The following BCAS3 variants were observed in gnomAD, a reference collection of about 807,000 sequenced individuals.
The protein encoded by BCAS3 is BCAS4/BCAS3 fusion.
In BCAS3, 53 loss-of-function variants were observed where a neutral mutation model predicts 116.1. The ratio of observed to expected loss-of-function variants is 0.46; its 90% CI spans 0.37 to 0.57. BCAS3 has a LOEUF of 0.57. Ranked by LOEUF, BCAS3 falls within the 20% of genes least tolerant of loss-of-function variation. The pLI, the probability that BCAS3 is intolerant of heterozygous loss-of-function variation, is 0.00. For missense variants in BCAS3, 917 were observed against 1,165.4 expected, an observed-to-expected ratio of 0.79 and a Z score of 3.10; for synonymous variants, 391 against 408.2, an observed-to-expected ratio of 0.96 and a Z score of 0.51.
intron 2 of BCAS3, among the ~76,000 whole-genome samples, chr17:60,682,533 G>GT (rs1028110887): frequency 6.6e-6 from 1 of 151,894 alleles, no homozygotes; most frequent in Non-Finnish European, 1.5e-5. Flanking sequence ...TTTCGTTGTT[G>GT]TTTTTTTGAG....
At position 61,134,418 on chromosome 17, in the gene BCAS3, G is replaced by T. The variant is rs578122133; in HGVS notation, c.2425+49854G>T. Among the ~76,000 whole-genome samples, 1 of 152,092 alleles carries T rather than the reference G, an allele frequency of 6.6e-6. No individual in the cohort carries two copies. Among genetic ancestry groups the T allele is most frequent in the Non-Finnish European group, 1.5e-5 (1 of 68,016 alleles). ...CAGTAAGCTGGTGGAATGAGGATTC[G>T]GAACCACGCATGTCTGACTCCAGAG... On this transcript the variant is annotated intron_variant, in intron 22 of 23. Coordinates refer to ENST00000407086, the MANE Select transcript of BCAS3 (RefSeq NM_017679.5). The surrounding 1 kb of genome is among the most constrained non-coding windows in gnomAD (Gnocchi z 4.6).
intron 19 of BCAS3, chr17:61,070,323 C>G (rs764204052): frequency 3.0e-5 from 30 of 1,011,426 alleles, no homozygotes; most frequent in Non-Finnish European, 4.5e-5. Flanking sequence ...ATGTTGCCAA[C>G]AAAATTGGGA....
At position 61,354,785 on chromosome 17, in the gene BCAS3, C is replaced by G. The variant is rs530414557; in HGVS notation, c.2426-13542C>G. On this transcript the variant is annotated intron_variant, in intron 22 of 23. Transcript: ENST00000407086. The surrounding 1 kb of genome is among the most constrained non-coding windows in gnomAD (Gnocchi z 4.5). ...CACTCCAAATACACATGTTTATTGC[C>G]CAAGCTGGGAACACCATTTTTAAAG... 2 of 152,282 alleles carry G rather than the reference C, an allele frequency of 1.3e-5. No individual in the cohort carries two copies. Among genetic ancestry groups the G allele is most frequent in the South Asian group, 4.2e-4 (2 of 4,816 alleles). The allele number at this position is 152,282 out of a possible 1,614,324, so 9.4% of individuals were successfully genotyped here. A position where few individuals can be genotyped will look rare whatever the true frequency, so the allele number is the denominator to read the frequency against.
At chr17:61,193,500 G>A (rs1444134986) in intron 22 of BCAS3, among the ~76,000 whole-genome samples, 3 of 151,844 alleles carry the variant, frequency 2.0e-5, no homozygotes, top group African/African-American at 7.3e-5. Context: ...GCTCACGCCT[G>A]TAATCCCAGC....
Position 61,105,097 on chromosome 17 carries a change from T to C in BCAS3, c.2425+20533T>C, listed in dbSNP as rs2074558569. On this transcript the variant is annotated intron_variant, in intron 22 of 23. Coordinates refer to ENST00000407086, the MANE Select transcript of BCAS3 (RefSeq NM_017679.5). This position sits in a 1 kb window ranked among gnomAD's most constrained non-coding sequence, Gnocchi z 4.3. ...GCTGCATTTCCATCTCTTTCATCCCTCCCTTTTTATGAGAATAAAAAGTGA... is the reference window on the plus strand; with the variant it reads ...GCTGCATTTCCATCTCTTTCATCCCCCCCTTTTTATGAGAATAAAAAGTGA... Among the ~76,000 whole-genome samples, 3 of 152,098 alleles carry C rather than the reference T, an allele frequency of 2.0e-5. No individual in the cohort carries two copies. The highest frequency in any genetic ancestry group is 7.2e-5 in the African/African-American group (3 of 41,402).
intron 7 of BCAS3, among the ~76,000 whole-genome samples, chr17:60,822,640 C>T (rs527449741): frequency 2.6e-5 from 4 of 152,302 alleles, no homozygotes; most frequent in Admixed American, 1.3e-4. Context: ...ACAACAGTCT[C>T]TAGTCAAAGA....
intron 22 of BCAS3, among the ~76,000 whole-genome samples, chr17:61,232,972 A>G (rs1015508791): frequency 6.6e-6 from 1 of 152,162 alleles, no homozygotes; most frequent in Admixed American, 6.5e-5. Flanking sequence ...CTATTTGACT[A>G]TATTTCCAGA....
chr17:61,094,197 T>C (rs2073818394), intron 22 of BCAS3, among the ~76,000 whole-genome samples: 1 of 152,208 alleles, frequency 6.6e-6, no homozygotes, highest in Admixed American at 6.5e-5. Flanking sequence ...TTTAAAGCAG[T>C]AAAAATCATC....
chr17:61,053,906 G>A (rs895237559), intron 19 of BCAS3, among the ~76,000 whole-genome samples: 2 of 152,168 alleles, frequency 1.3e-5, no homozygotes, highest in Non-Finnish European at 2.9e-5. Context: ...TGATTTCAGT[G>A]AGACGGTGTT....
chr17:60,901,133 C>T (rs1174613617), intron 10 of BCAS3, among the ~76,000 whole-genome samples: 2 of 151,782 alleles, frequency 1.3e-5, no homozygotes, highest in African/African-American at 4.8e-5. Flanking sequence ...ATTACCTGAA[C>T]CCAAGAGGCA....
intron 22 of BCAS3, among the ~76,000 whole-genome samples, chr17:61,125,802 A>C (rs943637946): frequency 2.0e-5 from 3 of 152,176 alleles, no homozygotes; most frequent in African/African-American, 7.2e-5. Flanking sequence ...AAGACTTCCA[A>C]AATGTCTTCT....
chr17:60,690,599 G>A (rs1473256845), intron 4 of BCAS3, among the ~76,000 whole-genome samples: 2 of 148,814 alleles, frequency 1.3e-5, no homozygotes, highest in Non-Finnish European at 3.0e-5. Flanking sequence ...AGTTAAATAA[G>A]TAAGTAAATA....
intron 7 of BCAS3, among the ~76,000 whole-genome samples, chr17:60,818,462 A>T (rs1216856237): frequency 6.6e-6 from 1 of 152,200 alleles, no homozygotes; most frequent in African/African-American, 2.4e-5. Context: ...AATTAGAAGT[A>T]GAAGCATATT....
rs562181767 is a variant in BCAS3 at position 60,763,876 on chromosome 17, C to T, written c.403+16597C>T. Among the ~76,000 whole-genome samples, 4 of 152,212 alleles carry T rather than the reference C, an allele frequency of 2.6e-5. No homozygotes were observed. In the East Asian group the frequency reaches 7.7e-4, roughly 29 times the overall value. ...TTAATTATTGCCTCAATTTCAGAGCCTGTTATCGGTCTATTCAGAGATTCA... is the reference window on the plus strand; with the variant it reads ...TTAATTATTGCCTCAATTTCAGAGCTTGTTATCGGTCTATTCAGAGATTCA... On this transcript the variant is annotated intron_variant, in intron 6 of 23. Transcript: ENST00000407086.
chr17:61,044,208 G>A (rs2067792878), intron 19 of BCAS3, among the ~76,000 whole-genome samples: 1 of 151,816 alleles, frequency 6.6e-6, no homozygotes, highest in Admixed American at 6.6e-5. Context: ...AGCACTTTCG[G>A]AGACCAAGGC....
chr17:61,308,266 T>C (rs753023557), intron 22 of BCAS3, among the ~76,000 whole-genome samples: 5 of 152,076 alleles, frequency 3.3e-5, no homozygotes, highest in Admixed American at 6.6e-5. Flanking sequence ...ATGATGATAG[T>C]AACCAACCCC....
rs549898142 is a variant in BCAS3, at chr17:61,054,326, A to G, written c.2029+13434A>G. ...GCTTTAGTATTTACCAGTTGGGGAA[A>G]AAAAGTGTGCGTGTCGTACCACCAT... On this transcript the variant is annotated intron_variant, in intron 19 of 23. Transcript: ENST00000407086. Among the ~76,000 whole-genome samples, 280 of 152,326 alleles carry G rather than the reference A, an allele frequency of 1.8e-3. 2 individuals carry two copies. Among genetic ancestry groups the G allele is most frequent in the African/African-American group, 6.3e-3 (262 of 41,574 alleles).
At chr17:61,369,328 T>C (rs2058921634) in intron 23 of BCAS3, among the ~76,000 whole-genome samples, 1 of 152,178 alleles carries the variant, frequency 6.6e-6, no homozygotes, top group South Asian at 2.1e-4. Flanking sequence ...AGAGGCCTTT[T>C]CTCTCCTGCT....
intron 22 of BCAS3, among the ~76,000 whole-genome samples, chr17:61,264,759 G>A (rs1363316613): frequency 6.6e-6 from 1 of 152,182 alleles, no homozygotes; most frequent in Non-Finnish European, 1.5e-5. Flanking sequence ...CCAGATTGCA[G>A]AGGAATATGA....
Sources: gnomAD v4.1 joint callset for allele counts (sites outside exome capture counted in the v4.1 genomes callset) on GRCh38, gnomAD v4.1.1 for gene constraint, Gnocchi (gnomAD v3.1) non-coding constraint, MANE v1.5 for transcripts, NCBI Gene and HGNC (gene_info 2026-07-23, HGNC 2026-07-21) for gene names.